OXR1: variants seen among roughly 807,000 people sequenced by gnomAD.
OXR1 encodes oxidation resistance 1.
A neutral mutation model predicts 104.6 loss-of-function variants in OXR1; 41 were observed. That is an observed-to-expected ratio of 0.39 (90% CI 0.31 to 0.51). The LOEUF (loss-of-function observed/expected upper bound fraction) is 0.51. OXR1 is among the 20% of genes least tolerant of loss of function. The pLI, the probability that OXR1 is intolerant of heterozygous loss-of-function variation, is 0.77. For missense variants in OXR1, 955 were observed against 1,031.9 expected (o/e 0.93, Z 1.02); for synonymous variants, 348 against 348.4 (o/e 1.00, Z 0.01).
intron 3 of OXR1, among the ~76,000 whole-genome samples, chr8:106,650,270 C>T (rs972845798): frequency 6.6e-6 from 1 of 152,082 alleles, no homozygotes; most frequent in Non-Finnish European, 1.5e-5. Flanking sequence ...AGGTAAGGAA[C>T]CTGAGGGAGA....
At chr8:106,369,415 G>A (rs547372734) in intron 2 of OXR1, among the ~76,000 whole-genome samples, 1 of 152,264 alleles carries the variant, frequency 6.6e-6, no homozygotes, top group Admixed American at 6.5e-5. Flanking sequence ...GAACCCATTT[G>A]TCAATTTTGG....
chr8:106,355,032 T>C (rs1047667236), intron 1 of OXR1, among the ~76,000 whole-genome samples: 4 of 152,094 alleles, frequency 2.6e-5, no homozygotes, highest in African/African-American at 9.6e-5. Flanking sequence ...AGAGAGGGTT[T>C]ATTAAATTCA....
At chr8:106,344,407 G>C (rs1419564031) in intron 1 of OXR1, among the ~76,000 whole-genome samples, 1 of 152,082 alleles carries the variant, frequency 6.6e-6, no homozygotes, top group African/African-American at 2.4e-5. Flanking sequence ...GCACAATCTC[G>C]GCTCACTGCA....
rs144362716 is a variant in OXR1, at chr8:106,297,124, A to G, written c.-139+26757A>G. Among the ~76,000 whole-genome samples, 14 of 152,320 alleles carry G rather than the reference A, an allele frequency of 9.2e-5. No homozygotes were observed. The East Asian group carries it at 2.7e-3, about 29-fold the overall frequency. ...GATTCCACTGTATTATGAATACAGT[A>G]ATCTGTATATAGCAATCCGTGTGGC... On this transcript the variant is annotated intron_variant, in intron 1 of 16. Coordinates refer to ENST00000517566, the MANE Select transcript of OXR1 (RefSeq NM_001198533.2).
chr8:106,410,202 G>A (rs189610801), intron 2 of OXR1, among the ~76,000 whole-genome samples: 2 of 152,272 alleles, frequency 1.3e-5, no homozygotes, highest in African/African-American at 2.4e-5. Context: ...ATTTTCTGTA[G>A]ATTGAATTAT....
chr8:106,749,329 C>T (rs1306619094), intron 16 of OXR1, among the ~76,000 whole-genome samples: 1 of 146,208 alleles, frequency 6.8e-6, no homozygotes, highest in African/African-American at 2.6e-5. Context: ...GGTGACAGAG[C>T]GAGACTCTGT....
Position 106,679,248 on chromosome 8 carries a change from A to G in OXR1, c.259A>G (p.Arg87Gly). ...GAAGACCCTAGACAAGAAAGATGGA[A>G]GACGAATGTCTTTTCAGAAACCTAA... ...QKKTLDKKDG[R>G]RMSFQKPKGT... The change falls in exon 4 of 17, where the codon AGA becomes GGA. Residue 87 changes from arginine to glycine, a missense_variant. By Grantham distance (125) the Arg-to-Gly change is moderately radical. Around this residue, in one of 2 missense-constraint regions of OXR1, gnomAD observed 849 missense variants for 852.9 expected, o/e 1.00. Coordinates refer to ENST00000517566, the MANE Select transcript of OXR1 (RefSeq NM_001198533.2). The G allele has an allele frequency of 6.2e-7, 1 of 1,610,836 alleles. No individual in the cohort carries two copies. Among genetic ancestry groups the G allele is most frequent in the Non-Finnish European group, 8.5e-7 (1 of 1,177,628 alleles).
chr8:106,278,563 G>A (rs1156948554), intron 1 of OXR1, among the ~76,000 whole-genome samples: 2 of 151,726 alleles, frequency 1.3e-5, no homozygotes, highest in East Asian at 1.9e-4. Context: ...GCTGTTGAAT[G>A]CAGTCTCTTA....
chr8:106,313,539 G>A (rs1293885922), intron 1 of OXR1, among the ~76,000 whole-genome samples: 2 of 152,108 alleles, frequency 1.3e-5, no homozygotes, highest in East Asian at 1.9e-4. Flanking sequence ...TACTGTGGAA[G>A]GATATTTTTT....
chr8:106,370,744 A>G (rs892256057), intron 2 of OXR1, among the ~76,000 whole-genome samples: 2 of 152,204 alleles, frequency 1.3e-5, no homozygotes, highest in African/African-American at 4.8e-5. Context: ...CAAGGGATGA[A>G]CCCAACTTGA....
chr8:106,659,997 A>G (rs920317027), intron 3 of OXR1, among the ~76,000 whole-genome samples: 6 of 152,242 alleles, frequency 3.9e-5, no homozygotes, highest in Admixed American at 2.6e-4. Context: ...TGTGAGGTCA[A>G]AGTATGACCA....
chr8:106,688,033 C>T (rs1401712419), intron 6 of OXR1, among the ~76,000 whole-genome samples: 5 of 152,146 alleles, frequency 3.3e-5, no homozygotes, highest in Admixed American at 3.3e-4. Flanking sequence ...CCATTTCGCA[C>T]TATCATCTTC....
At chr8:106,618,808 C>T (rs914345888) in intron 3 of OXR1, among the ~76,000 whole-genome samples, 2 of 152,024 alleles carry the variant, frequency 1.3e-5, no homozygotes, top group Admixed American at 6.6e-5. Context: ...TCTTCATTAG[C>T]GTTTTATTAC....
chr8:106,697,382 T>A, intron 7 of OXR1: 1 of 1,255,604 alleles, frequency 8.0e-7, no homozygotes, highest in Non-Finnish European at 1.1e-6. Flanking sequence ...TACATGTATA[T>A]TAACCACTCG....
At chr8:106,518,107 T>C (rs1812984370) in intron 2 of OXR1, among the ~76,000 whole-genome samples, 1 of 152,152 alleles carries the variant, frequency 6.6e-6, no homozygotes, top group Admixed American at 6.5e-5. Context: ...TAAATCATAT[T>C]TGAAGGTATG....
chr8:106,313,527 T>C (rs966821219), intron 1 of OXR1, among the ~76,000 whole-genome samples: 1 of 152,142 alleles, frequency 6.6e-6, no homozygotes, highest in Admixed American at 6.6e-5. Context: ...GACACCATGT[T>C]TTACTGTGGA....
chr8:106,486,251 A>T (rs1281015143), intron 2 of OXR1, among the ~76,000 whole-genome samples: 1 of 152,122 alleles, frequency 6.6e-6, no homozygotes, highest in Admixed American at 6.6e-5. Flanking sequence ...GTGATTTTTT[A>T]AAAAATAAAA....
chr8:106,746,781 A>G (rs757976330), intron 16 of OXR1, among the ~76,000 whole-genome samples: 60 of 152,228 alleles, frequency 3.9e-4, no homozygotes, highest in Non-Finnish European at 6.8e-4. Flanking sequence ...ACATGGTCCA[A>G]TTATACCTTT....
intron 3 of OXR1, among the ~76,000 whole-genome samples, chr8:106,654,435 A>G (rs1404841642): frequency 1.3e-5 from 2 of 152,124 alleles, no homozygotes; most frequent in African/African-American, 4.8e-5. Context: ...TGGGGGAAAA[A>G]TCATCTTTTC....
Sources: allele counts gnomAD v4.1 joint callset (sites outside exome capture counted in the v4.1 genomes callset), GRCh38; gene constraint gnomAD v4.1.1; regional missense constraint gnomAD v4.1.1; transcripts MANE v1.5; gene names NCBI Gene and HGNC (gene_info 2026-07-23, HGNC 2026-07-21).